The following DESI2 variants were observed in gnomAD, a reference collection of about 807,000 sequenced individuals.
The protein encoded by DESI2 is desumoylating isopeptidase 2.
A neutral mutation model predicts 24.1 loss-of-function variants in DESI2; 10 were observed. The observed-to-expected ratio is 0.41, with a 90% CI of 0.26 to 0.70. The LOEUF is 0.70. Ranked by LOEUF, DESI2 falls within the 30% of genes least tolerant of loss-of-function variation. The pLI, the probability that DESI2 is intolerant of heterozygous loss-of-function variation, is 0.29. For missense variants in DESI2, 122 were observed against 234.9 expected (o/e 0.52, Z 3.14); for synonymous variants, 71 against 87.7 (o/e 0.81, Z 1.06).
chr1:244,690,073 ATTTT>A (rs529271346), intron 3 of DESI2, among the ~76,000 whole-genome samples: 2 of 152,026 alleles, frequency 1.3e-5, no homozygotes, highest in East Asian at 1.9e-4. Context: ...TGAGAATATA[ATTTT>A]TTTTATTTAT....
chr1:244,670,984 G>A (rs528350096), intron 1 of DESI2, among the ~76,000 whole-genome samples: 2 of 152,322 alleles, frequency 1.3e-5, no homozygotes, highest in South Asian at 4.1e-4. Flanking sequence ...GGGGGACATT[G>A]TGGGCTTTCT....
intron 2 of DESI2, among the ~76,000 whole-genome samples, chr1:244,687,329 G>A (rs1488675700): frequency 6.6e-6 from 1 of 152,094 alleles, no homozygotes; most frequent in Admixed American, 6.6e-5. Context: ...TTTTTCCACT[G>A]TGCTAATTCC....
At chr1:244,682,717 A>G (rs1270592589) in intron 1 of DESI2, among the ~76,000 whole-genome samples, 1 of 152,216 alleles carries the variant, frequency 6.6e-6, no homozygotes, top group Non-Finnish European at 1.5e-5. Flanking sequence ...TTGCAAACAA[A>G]TGAGCGTGGC....
chr1:244,707,967 A>C lies in DESI2; in HGVS notation c.*2178A>C, dbSNP rs1023778528. ...ATCAGCAGATAAAATTCTGGACGTG[A>C]GATTCCTTATAATCTAATTATACCT... On this transcript the variant is annotated 3_prime_UTR_variant, in exon 5 of 5. Transcript: ENST00000302550. 6.6e-6 allele frequency: 1 copy of C among 152,248 alleles called. No individual in the cohort carries two copies. Among genetic ancestry groups the C allele is most frequent in the African/African-American group, 2.4e-5 (1 of 41,470 alleles). 9.4% of individuals were successfully genotyped at this position (152,248 alleles called of 1,614,324 possible).
rs1481988851 is a variant in DESI2 at position 244,705,593 on chromosome 1, G to A, written c.389G>A (p.Arg130Gln). The A allele has an allele frequency of 6.2e-7, 1 of 1,614,114 alleles. No homozygotes were observed. The highest frequency in any genetic ancestry group is 1.1e-5 in the South Asian group (1 of 91,078). ...AAAGAGATTCCTCGCTGGATCAATC[G>A]ACTTGCCTACTTCAGCTCCTGTATA... is the stretch of plus-strand genomic sequence containing the variant. ...CGKEIPRWIN[R>Q]LAYFSSCIPF... Residue 130 changes from arginine (R) to glutamine (Q), a missense_variant, in exon 5 of 5, where the codon CGA becomes CAA. Arg to Gln is a conservative substitution (Grantham distance 43). Coordinates refer to ENST00000302550, the MANE Select transcript of DESI2 (RefSeq NM_016076.5).
intron 4 of DESI2, among the ~76,000 whole-genome samples, chr1:244,695,426 G>A (rs952965027): frequency 4.6e-5 from 7 of 152,170 alleles, no homozygotes; most frequent in Admixed American, 1.3e-4. Context: ...GGCCAAGGTC[G>A]GGGGATCACA....
intron 1 of DESI2, among the ~76,000 whole-genome samples, chr1:244,685,384 C>A (rs1676783771): frequency 6.6e-6 from 1 of 152,042 alleles, no homozygotes; most frequent in East Asian, 1.9e-4. Flanking sequence ...TTAAATATCT[C>A]CTTTATCATA....
At chr1:244,692,494 T>C (rs1009513125) in intron 4 of DESI2, among the ~76,000 whole-genome samples, 3 of 151,900 alleles carry the variant, frequency 2.0e-5, no homozygotes, top group African/African-American at 7.3e-5. Flanking sequence ...AGATCAAAAC[T>C]AGGTCAAAAT....
At chr1:244,668,138 C>T (rs1263841556) in intron 1 of DESI2, among the ~76,000 whole-genome samples, 1 of 152,148 alleles carries the variant, frequency 6.6e-6, no homozygotes, top group Admixed American at 6.5e-5. Context: ...ATCTTTGTAT[C>T]CCCACTGTCT....
chr1:244,682,788 T>A (rs188427662), intron 1 of DESI2, among the ~76,000 whole-genome samples: 1 of 151,508 alleles, frequency 6.6e-6, no homozygotes, highest in East Asian at 1.9e-4. Context: ...TCTGCAGGAG[T>A]TGTTTGCTGG....
intron 4 of DESI2, among the ~76,000 whole-genome samples, chr1:244,701,229 C>T (rs1249996640): frequency 5.7e-5 from 5 of 87,614 alleles, no homozygotes; most frequent in Admixed American, 1.0e-4. Context: ...CCCCCCCCCC[C>T]CCCCCGCCCT....
At chr1:244,677,750 A>G (rs1676459801) in intron 1 of DESI2, among the ~76,000 whole-genome samples, 1 of 152,088 alleles carries the variant, frequency 6.6e-6, no homozygotes, top group South Asian at 2.1e-4. Flanking sequence ...CCCTGCATCC[A>G]CAAAAATAAA....
At chr1:244,703,409 G>A (rs950621716) in intron 4 of DESI2, among the ~76,000 whole-genome samples, 6 of 152,122 alleles carry the variant, frequency 3.9e-5, no homozygotes, top group African/African-American at 1.2e-4. Context: ...AGGCTGTAGT[G>A]CAGTGGCACA....
At chr1:244,662,126 T>C (rs1333399052) in intron 1 of DESI2, among the ~76,000 whole-genome samples, 1 of 152,230 alleles carries the variant, frequency 6.6e-6, no homozygotes, top group Non-Finnish European at 1.5e-5. Context: ...AGGTATCTCA[T>C]TGTGGTTTTG....
intron 4 of DESI2, among the ~76,000 whole-genome samples, chr1:244,698,558 C>G (rs377753212): frequency 2.0e-5 from 3 of 152,212 alleles, no homozygotes; most frequent in African/African-American, 7.2e-5. Context: ...AAAGAAAAGT[C>G]TCTGGCATAT....
intron 4 of DESI2, among the ~76,000 whole-genome samples, chr1:244,694,008 C>G (rs573613447): frequency 1.3e-5 from 2 of 152,166 alleles, no homozygotes; most frequent in African/African-American, 4.8e-5. Flanking sequence ...TTTAGTAAAA[C>G]TGGTATGCTT....
At chr1:244,700,918 A>T (rs1227079496) in intron 4 of DESI2, among the ~76,000 whole-genome samples, 1 of 152,248 alleles carries the variant, frequency 6.6e-6, no homozygotes, top group East Asian at 1.9e-4. Context: ...TAATAGATAC[A>T]GTAAAATTCA....
intron 4 of DESI2, among the ~76,000 whole-genome samples, chr1:244,695,273 G>C (rs1043005787): frequency 6.6e-6 from 1 of 152,208 alleles, no homozygotes; most frequent in African/African-American, 2.4e-5. Flanking sequence ...AATTGTGTCA[G>C]ATGCCTAATT....
chr1:244,657,127 T>C (rs1675674753), intron 1 of DESI2, among the ~76,000 whole-genome samples: 1 of 152,206 alleles, frequency 6.6e-6, no homozygotes, highest in Non-Finnish European at 1.5e-5. Context: ...CTTTAAAGAA[T>C]AGAAAAGAAC....
Sources: gnomAD v4.1 joint callset for allele counts (sites outside exome capture counted in the v4.1 genomes callset) on GRCh38, gnomAD v4.1.1 for gene constraint, MANE v1.5 for transcripts, NCBI Gene and HGNC (gene_info 2026-07-23, HGNC 2026-07-21) for gene names.